Variants in HNF4G observed in about 807,000 individuals in gnomAD.
The protein encoded by HNF4G is hepatocyte nuclear factor 4 gamma, also known as hepatocyte nuclear factor 4-gamma.
HNF4G carries 21 observed loss-of-function variants against 50.9 expected under a neutral mutation model. That is an observed-to-expected ratio of 0.41 (90% confidence interval 0.29 to 0.59). The LOEUF (loss-of-function observed/expected upper bound fraction) is 0.59, where lower values mean the gene tolerates loss of function less well. HNF4G is among the 20% of genes least tolerant of loss of function. The probability of loss-of-function intolerance (pLI) is 0.26; values close to 1 mark genes in which losing one functional copy is unlikely to be tolerated. For missense variants in HNF4G, 527 were observed against 559.4 expected, an observed-to-expected ratio of 0.94 and a Z score of 0.58; for synonymous variants, 198 against 185.6, an observed-to-expected ratio of 1.07 and a Z score of -0.54.
At chr8:75,494,834 T>G (rs1812727824) in intron 2 of HNF4G, among the ~76,000 whole-genome samples, 1 of 152,020 alleles carries the variant, frequency 6.6e-6, no homozygotes, top group Non-Finnish European at 1.5e-5. Flanking sequence ...AAAATATATT[T>G]ATTTAACAAT....
intron 1 of HNF4G, among the ~76,000 whole-genome samples, chr8:75,459,568 A>G (rs1479661661): frequency 6.6e-6 from 1 of 152,190 alleles, no homozygotes; most frequent in Non-Finnish European, 1.5e-5. Context: ...CTTGTGTAGT[A>G]GTGTTTATAA....
chr8:75,499,900 A>G (rs1045638794), intron 2 of HNF4G, among the ~76,000 whole-genome samples: 38 of 152,100 alleles, frequency 2.5e-4, no homozygotes, highest in African/African-American at 8.7e-4. Flanking sequence ...AAAAGTGATC[A>G]ATGACACAAA....
chr8:75,551,541 G>A (rs1210789413), intron 4 of HNF4G, 47 bp downstream of exon 4: 1 of 1,072,702 alleles, frequency 9.3e-7, no homozygotes, highest in Non-Finnish European at 1.5e-6. Flanking sequence ...AAAATCAAAT[G>A]TCCATGTAGG....
At chr8:75,491,481 C>T (rs1026998318) in intron 2 of HNF4G, among the ~76,000 whole-genome samples, 2 of 144,432 alleles carry the variant, frequency 1.4e-5, no homozygotes, top group Non-Finnish European at 3.1e-5. Context: ...CTTTTCTTTC[C>T]TTTTTTTTTT....
At chr8:75,471,831 T>C (rs1051336542) in intron 1 of HNF4G, among the ~76,000 whole-genome samples, 1 of 152,112 alleles carries the variant, frequency 6.6e-6, no homozygotes. Flanking sequence ...TAAGGTGAAA[T>C]TGGGGAAACC....
At chr8:75,506,370 A>G (rs1813080337) in intron 2 of HNF4G, among the ~76,000 whole-genome samples, 2 of 152,122 alleles carry the variant, frequency 1.3e-5, no homozygotes, top group South Asian at 4.1e-4. Flanking sequence ...AATAAGCAGG[A>G]AACTTATCTT....
At chr8:75,410,128 G>A (rs1050137014) in intron 1 of HNF4G, among the ~76,000 whole-genome samples, 6 of 151,858 alleles carry the variant, frequency 4.0e-5, no homozygotes, top group African/African-American at 7.2e-5. Flanking sequence ...CAGAATATTC[G>A]CTTGGATTTT....
At chr8:75,521,242 A>C (rs1382865916) in intron 2 of HNF4G, among the ~76,000 whole-genome samples, 1 of 152,224 alleles carries the variant, frequency 6.6e-6, no homozygotes, top group Non-Finnish European at 1.5e-5. Context: ...AATGAGAAGA[A>C]GACAAATAAA....
chr8:75,504,619 C>T (rs1813027668), intron 2 of HNF4G, among the ~76,000 whole-genome samples: 2 of 152,106 alleles, frequency 1.3e-5, no homozygotes, highest in Non-Finnish European at 2.9e-5. Context: ...ATTTTCTAGG[C>T]ATAATATATT....
At chr8:75,507,261 CTTTT>C (rs34235931) in intron 2 of HNF4G, among the ~76,000 whole-genome samples, 1 of 136,846 alleles carries the variant, frequency 7.3e-6, no homozygotes, top group Non-Finnish European at 1.6e-5. Context: ...TTTTAAAATT[CTTTT>C]TTTTTTTTTT....
intron 1 of HNF4G, among the ~76,000 whole-genome samples, chr8:75,419,748 G>C (rs1040205192): frequency 4.6e-5 from 7 of 152,220 alleles, no homozygotes; most frequent in Non-Finnish European, 8.8e-5. Context: ...TCACTCCAGT[G>C]CGTCTGTTTT....
At chr8:75,471,045 A>G (rs1812101364) in intron 1 of HNF4G, among the ~76,000 whole-genome samples, 6 of 152,190 alleles carry the variant, frequency 3.9e-5, no homozygotes, top group Admixed American at 3.9e-4. Context: ...GTTTGTTTGG[A>G]TGATCTTCCT....
chr8:75,484,766 G>A (rs988737457), intron 1 of HNF4G, among the ~76,000 whole-genome samples: 4 of 152,202 alleles, frequency 2.6e-5, no homozygotes, highest in African/African-American at 7.2e-5. Flanking sequence ...AATGAGCTCA[G>A]TAAACATTTG....
intron 5 of HNF4G, among the ~76,000 whole-genome samples, chr8:75,554,608 C>T (rs1465318636): frequency 6.6e-6 from 1 of 152,082 alleles, no homozygotes; most frequent in Admixed American, 6.6e-5. Context: ...TCAATAAATT[C>T]ATCAAATGAA....
intron 2 of HNF4G, among the ~76,000 whole-genome samples, chr8:75,526,561 T>A (rs1008773795): frequency 6.6e-6 from 1 of 150,452 alleles, no homozygotes; most frequent in African/African-American, 2.4e-5. Flanking sequence ...TGAGACAGGG[T>A]CTTGCTCTAT....
chr8:75,418,518 TAGAA>T (rs1810695296), intron 1 of HNF4G, among the ~76,000 whole-genome samples: 1 of 152,170 alleles, frequency 6.6e-6, no homozygotes, highest in Admixed American at 6.5e-5. Context: ...TGTTTACTTG[TAGAA>T]AGCTTTCCTC....
intron 2 of HNF4G, chr8:75,527,122 T>G (rs1806206338): frequency 6.6e-6 from 1 of 152,192 alleles, no homozygotes; most frequent in African/African-American, 2.4e-5. Context: ...GTTTGCCTCA[T>G]TTTTGTGCTT....
intron 1 of HNF4G, among the ~76,000 whole-genome samples, chr8:75,476,503 A>G (rs577273860): frequency 1.3e-5 from 2 of 152,352 alleles, no homozygotes; most frequent in African/African-American, 4.8e-5. Context: ...CAACTATTCA[A>G]TATCAGGTTA....
At chr8:75,526,915 C>A (rs1443769242) in intron 2 of HNF4G, 1 of 151,972 alleles carries the variant, frequency 6.6e-6, no homozygotes, top group Non-Finnish European at 1.5e-5. Context: ...TACAGACGCC[C>A]GCCACCACGC....
Sources: gnomAD v4.1 joint callset for allele counts (sites outside exome capture counted in the v4.1 genomes callset) on GRCh38, gnomAD v4.1.1 for gene constraint, MANE v1.5 for transcripts, NCBI Gene and HGNC (gene_info 2026-07-23, HGNC 2026-07-21) for gene names.